NRAP: variants seen among roughly 807,000 people sequenced by gnomAD.
NRAP encodes the protein nebulin related anchoring protein, also known as nebulin-related-anchoring protein.
NRAP carries 189 observed loss-of-function variants against 225.9 expected under a neutral mutation model. The observed-to-expected ratio is 0.84, with a 90% CI of 0.74 to 0.94. NRAP has a LOEUF of 0.94. Among genes scored for constraint, NRAP ranks in the 40% least tolerant of loss-of-function variants. NRAP has a pLI of 0.00. For missense variants in NRAP, 2,176 were observed against 2,168.7 expected (o/e 1.00, Z -0.07); for synonymous variants, 769 against 790.7 (o/e 0.97, Z 0.46).
Position 113,605,824 on chromosome 10 carries a change from T to A in NRAP, c.3853A>T (p.Lys1285Ter). The change falls in exon 34 of 42, where the codon AAG becomes TAG. Residue 1285 changes from lysine (K) to a stop codon, truncating the protein, a stop_gained. Coordinates refer to ENST00000359988, the MANE Select transcript of NRAP (RefSeq NM_198060.4). LOFTEE classifies it high-confidence loss of function. Reference protein sequence around the residue: ...SWRNLRAQGYKLTIEALPFQA... With the variant: ...SWRNLRAQGY ...AAGGGGAGCGCTTCTATTGTCAGCT[T>A]GTAGCCTTGAGCACGAAGATTACGC... is the stretch of plus-strand genomic sequence containing the variant. The A allele has an allele frequency of 1.2e-6, 2 of 1,614,204 alleles. No homozygotes were observed. The highest frequency in any genetic ancestry group is 1.7e-6 in the Non-Finnish European group (2 of 1,180,016).
intron 9 of NRAP, among the ~76,000 whole-genome samples, chr10:113,648,437 TTCTCTCTCTCTC>T (rs376144953): frequency 1.5e-5 from 1 of 66,048 alleles, no homozygotes; most frequent in Non-Finnish European, 3.0e-5. Flanking sequence ...TTATTTTAGT[TTCTCTCTCTCTC>T]TCTCTCTCTC....
At position 113,605,868 on chromosome 10, in the gene NRAP, G is replaced by A. The variant is rs1381481381; in HGVS notation, c.3809C>T (p.Ala1270Val). ...AKTNAANLSD[A>V]RYKESWRNLR... ...ATTACGCCAGGACTCTTTGTATCTTGCCTAAAGTGGGAACACATGTAAATC... is the reference window on the plus strand; with the variant it reads ...ATTACGCCAGGACTCTTTGTATCTTACCTAAAGTGGGAACACATGTAAATC... Residue 1270 changes from alanine to valine, a missense_variant and splice_region_variant, in exon 34 of 42, where the codon GCA (alanine) becomes GTA (valine). Physicochemically the swap from Ala to Val is moderately conservative, Grantham distance 64. This residue lies in a region of NRAP where 1,708 missense variants were observed against 1,695.5 expected (regional missense o/e 1.01). Coordinates refer to ENST00000359988, the MANE Select transcript of NRAP (RefSeq NM_198060.4). The A allele has an allele frequency of 6.2e-6, 10 of 1,608,038 alleles. No individual in the cohort carries two copies. The highest frequency in any genetic ancestry group is 7.7e-6 in the Non-Finnish European group (9 of 1,175,064).
intron 38 of NRAP, among the ~76,000 whole-genome samples, chr10:113,594,756 C>T (rs987995854): frequency 2.6e-5 from 4 of 152,244 alleles, no homozygotes; most frequent in East Asian, 1.9e-4. Flanking sequence ...CTAATACACA[C>T]GCTAACTAGA....
chr10:113,589,570 G>C, intron 41 of NRAP, 96 bp downstream of exon 41: 1 of 1,446,830 alleles, frequency 6.9e-7, no homozygotes, highest in Non-Finnish European at 9.4e-7. Context: ...AGAGCTAGCT[G>C]ACCTTTGGCC....
In NRAP at chr10:113,590,790, T is replaced by C; in HGVS notation, c.4744A>G (p.Arg1582Gly). 1 of 1,614,236 alleles carries C rather than the reference T, an allele frequency of 6.2e-7. No homozygotes were observed. Among genetic ancestry groups the C allele is most frequent in the South Asian group, 1.1e-5 (1 of 91,080 alleles). Residue 1582 changes from arginine to glycine, a missense_variant, in exon 40 of 42, where the codon AGG becomes GGG. Arg to Gly is a moderately radical substitution (Grantham distance 125). Around this residue, in one of 3 missense-constraint regions of NRAP, gnomAD observed 445 missense variants for 426.1 expected, o/e 1.04. Coordinates refer to ENST00000359988, the MANE Select transcript of NRAP (RefSeq NM_198060.4). Reference protein sequence around the residue: ...PRMKHFLNVGRLQSDNEYKKD... With the variant: ...PRMKHFLNVGGLQSDNEYKKD... ...TTGTACTCATTGTCACTCTGGAGCC[T>C]GCCAACGTTGAGGAAATGCTTCATC... is the stretch of plus-strand genomic sequence containing the variant.
chr10:113,620,632 G>A lies in NRAP; in HGVS notation c.2846C>T (p.Ala949Val), dbSNP rs763519063. The A allele has an allele frequency of 2.7e-5, 43 of 1,612,496 alleles. No individual in the cohort carries two copies. The highest frequency in any genetic ancestry group is 8.3e-5 in the Admixed American group (5 of 59,936). The change falls in exon 25 of 42, where the codon GCG (alanine) becomes GTG (valine). Residue 949 changes from alanine (A) to valine (V), a missense_variant. Physicochemically the swap from Ala to Val is moderately conservative, Grantham distance 64 (BLOSUM62 0). Coordinates refer to ENST00000359988, the MANE Select transcript of NRAP (RefSeq NM_198060.4). ...VATGSLNVEQ[A>V]KKAGELISEK... Reference sequence around the variant, plus strand: ...GCTAATGAGTTCTCCTGCCTTCTTCGCCTGCTCCACATTTAATGACCCGGT... The same window carrying A: ...GCTAATGAGTTCTCCTGCCTTCTTCACCTGCTCCACATTTAATGACCCGGT...
chr10:113,617,408 A>G (rs765588404), intron 26 of NRAP, 47 bp downstream of exon 26: 1 of 1,152,332 alleles, frequency 8.7e-7, no homozygotes, highest in East Asian at 2.3e-5. Flanking sequence ...CAGTGTTGAA[A>G]GAAGAGCCCA....
At chr10:113,589,480 T>C in intron 41 of NRAP, 186 bp downstream of exon 41, 4 of 671,318 alleles carry the variant, frequency 6.0e-6, no homozygotes, top group Non-Finnish European at 9.9e-6. Flanking sequence ...TGCAGGAAGT[T>C]TAACCTGCGT....
rs151084161 is a variant in NRAP at position 113,633,446 on chromosome 10, C to T, written c.1528-258G>A. ...CCCTGTGACTGCTTCACCAACTCCC[C>T]TTACACGCACTTGAGAATATTGAAC... On this transcript the variant is annotated intron_variant, in intron 15 of 41. Transcript: ENST00000359988. Among the ~76,000 whole-genome samples the T allele has an allele frequency of 5.9e-3, 901 of 152,302 alleles. 4 individuals are homozygous for T. The highest frequency in any genetic ancestry group is 0.024 in the Middle Eastern group (7 of 294).
intron 3 of NRAP, among the ~76,000 whole-genome samples, chr10:113,661,536 G>C (rs942914526): frequency 2.0e-5 from 3 of 152,008 alleles, no homozygotes; most frequent in African/African-American, 7.3e-5. Context: ...TCACCTCATG[G>C]GTAATTTTCT....
At chr10:113,608,707 A>G (rs1015414371) in intron 31 of NRAP, among the ~76,000 whole-genome samples, 195 bp from the exon 32 acceptor site, 3 of 152,232 alleles carry the variant, frequency 2.0e-5, no homozygotes, top group Non-Finnish European at 2.9e-5. Context: ...GGAGGATAGG[A>G]TGGACTGAAT....
rs1850861414 is a variant in NRAP at position 113,663,960 on chromosome 10, T to C, written c.-78A>G. On this transcript the variant is annotated 5_prime_UTR_variant, in exon 1 of 42. Coordinates refer to ENST00000359988, the MANE Select transcript of NRAP (RefSeq NM_198060.4). ...GAGAACCCCCAGTCTAGTTCAAGTC[T>C]TCAAAATCCGACGACCATAAAATTC... The C allele has an allele frequency of 3.6e-6, 4 of 1,106,538 alleles. No homozygotes were observed. Among genetic ancestry groups the C allele is most frequent in the Non-Finnish European group, 5.5e-6 (4 of 724,398 alleles). 68.5% of individuals were successfully genotyped at this position (1,106,538 alleles called of 1,614,324 possible).
chr10:113,607,895 G>A (rs986451142), intron 32 of NRAP, among the ~76,000 whole-genome samples: 2 of 152,224 alleles, frequency 1.3e-5, no homozygotes, highest in African/African-American at 2.4e-5. Context: ...ACATGAAAGT[G>A]TAAATTGGGT....
At chr10:113,640,417 T>C (rs1370002280) in intron 13 of NRAP, 86 bp from the exon 14 acceptor site, 17 of 716,886 alleles carry the variant, frequency 2.4e-5, no homozygotes, top group Non-Finnish European at 3.7e-5. Context: ...AAATATTTTT[T>C]AAATACCCAG....
At chr10:113,647,362 C>CT (rs1849580261) in intron 9 of NRAP, among the ~76,000 whole-genome samples, 1 of 151,846 alleles carries the variant, frequency 6.6e-6, no homozygotes, top group Non-Finnish European at 1.5e-5. Flanking sequence ...CAGGGAAGTC[C>CT]TTTGTCTTCC....
At chr10:113,600,041 A>G (rs1294378529) in intron 35 of NRAP, among the ~76,000 whole-genome samples, 2 of 152,200 alleles carry the variant, frequency 1.3e-5, no homozygotes, top group Non-Finnish European at 2.9e-5. Flanking sequence ...GGTAAAGTAT[A>G]TCTTTGTCAT....
chr10:113,657,814 A>G (rs1850398254), intron 3 of NRAP, among the ~76,000 whole-genome samples: 1 of 152,212 alleles, frequency 6.6e-6, no homozygotes, highest in Admixed American at 6.5e-5. Context: ...AATTAAAGTG[A>G]CTGAGATAAA....
chr10:113,629,725 C>T lies in NRAP; in HGVS notation c.1903G>A (p.Val635Ile). The T allele has an allele frequency of 1.2e-6, 2 of 1,613,980 alleles. No individual in the cohort carries two copies. The highest frequency in any genetic ancestry group is 1.7e-6 in the Non-Finnish European group (2 of 1,179,856). Residue 635 changes from valine to isoleucine, a missense_variant, in exon 19 of 42, where the codon GTA (valine) becomes ATA (isoleucine). Val to Ile is a conservative substitution (Grantham distance 29). Transcript: ENST00000359988. ...KTRFHLPMDMVNIRHAKKAQT... is the reference protein window; with the variant it reads ...KTRFHLPMDMINIRHAKKAQT... ...GCCTTCTTAGCATGCCTGATGTTTA[C>T]CATATCCATGGGCAGGTGAAACCGG...
chr10:113,626,049 C>G lies in NRAP; in HGVS notation c.2242G>C (p.Gly748Arg), dbSNP rs145550333. The G allele has an allele frequency of 1.2e-6, 2 of 1,608,208 alleles. No homozygotes were observed. Among genetic ancestry groups the G allele is most frequent in the South Asian group, 1.1e-5 (1 of 89,970 alleles). The change falls in exon 21 of 42, where the codon GGG becomes CGG. Residue 748 changes from glycine to arginine, a missense_variant and splice_region_variant. Gly to Arg is a moderately radical substitution (Grantham distance 125). Transcript: ENST00000359988. ...HAKKSQELQS[G>R]VAYKAGNEQS... is the part of the protein sequence containing the mutation. ...AGAAAGGGCAGCCCAGGACTCACCC[C>G]GCTCTGTAGCTCCTGGCTCTTCTTG...
Sources: gnomAD v4.1 joint callset for allele counts (sites outside exome capture counted in the v4.1 genomes callset) on GRCh38, gnomAD v4.1.1 for gene constraint, gnomAD v4.1.1 regional missense constraint, MANE v1.5 for transcripts, NCBI Gene and HGNC (gene_info 2026-07-23, HGNC 2026-07-21) for gene names.